Variants in GALNTL6 observed in about 807,000 individuals in gnomAD.
The protein encoded by GALNTL6 is polypeptide N-acetylgalactosaminyltransferase-like 6.
Under a neutral mutation model 73.7 loss-of-function variants are expected in GALNTL6, and 46 were observed. The observed-to-expected ratio is 0.62, with a 90% CI of 0.49 to 0.80. GALNTL6 has a LOEUF of 0.80. Ranked by LOEUF, GALNTL6 falls within the 30% of genes least tolerant of loss-of-function variation. GALNTL6 has a pLI of 0.00. For synonymous variants in GALNTL6, 259 were observed against 263.7 expected, an observed-to-expected ratio of 0.98 and a Z score of 0.17; for missense variants, 604 against 755.0, an observed-to-expected ratio of 0.80 and a Z score of 2.34.
intron 2 of GALNTL6, among the ~76,000 whole-genome samples, chr4:172,104,967 G>A (rs1386104873): frequency 6.6e-6 from 1 of 151,952 alleles, no homozygotes; most frequent in East Asian, 1.9e-4. Flanking sequence ...AAATTACAAA[G>A]CTCATATAGA....
intron 5 of GALNTL6, among the ~76,000 whole-genome samples, chr4:172,786,603 A>T (rs1276149986): frequency 3.3e-5 from 5 of 152,318 alleles, no homozygotes; most frequent in Middle Eastern, 3.4e-3. Flanking sequence ...TTCACTCTAA[A>T]GACATCAATT....
chr4:172,056,738 A>G (rs1731029648), intron 2 of GALNTL6, among the ~76,000 whole-genome samples: 1 of 151,880 alleles, frequency 6.6e-6, no homozygotes, highest in Non-Finnish European at 1.5e-5. Context: ...TTTGTTTGTC[A>G]TTTGTGGTTT....
intron 2 of GALNTL6, among the ~76,000 whole-genome samples, chr4:171,932,385 C>T (rs908912518): frequency 9.2e-5 from 14 of 152,160 alleles, no homozygotes; most frequent in African/African-American, 1.7e-4. Flanking sequence ...TGGTGGAAAC[C>T]GAGTGTTGTA....
At chr4:172,464,711 AAATAATAAT>A (rs541423027) in intron 5 of GALNTL6, among the ~76,000 whole-genome samples, 1 of 150,990 alleles carries the variant, frequency 6.6e-6, no homozygotes, top group Non-Finnish European at 1.5e-5. Context: ...TCTGTCTCAA[AAATAATAAT>A]AATAATAATA....
At chr4:171,952,999 T>C (rs1738928913) in intron 2 of GALNTL6, among the ~76,000 whole-genome samples, 2 of 152,124 alleles carry the variant, frequency 1.3e-5, no homozygotes, top group South Asian at 4.1e-4. Context: ...AGAAAATATA[T>C]TTTTAGAAAG....
chr4:172,864,118 T>C (rs977837429), intron 7 of GALNTL6, among the ~76,000 whole-genome samples: 11 of 152,324 alleles, frequency 7.2e-5, no homozygotes, highest in Admixed American at 6.5e-4. Flanking sequence ...CATGTGGAAC[T>C]GTGAGTCAAT....
intron 5 of GALNTL6, among the ~76,000 whole-genome samples, chr4:172,528,604 C>T (rs562395003): frequency 6.6e-6 from 1 of 151,356 alleles, no homozygotes; most frequent in African/African-American, 2.4e-5. Context: ...CTTGGCATCC[C>T]AAAGTCTGGG....
At chr4:172,840,904 T>C (rs895656039) in intron 7 of GALNTL6, among the ~76,000 whole-genome samples, 1 of 152,166 alleles carries the variant, frequency 6.6e-6, no homozygotes, top group Admixed American at 6.6e-5. Flanking sequence ...TCCAGATCAA[T>C]CCACATCCAA....
intron 5 of GALNTL6, among the ~76,000 whole-genome samples, chr4:172,522,684 A>G (rs1436548889): frequency 7.0e-6 from 1 of 142,674 alleles, no homozygotes; most frequent in African/African-American, 2.5e-5. Context: ...CCCCCAAAAA[A>G]AAAGTGTATT....
At chr4:171,926,938 AT>A (rs1377068549) in intron 2 of GALNTL6, among the ~76,000 whole-genome samples, 14 of 152,006 alleles carry the variant, frequency 9.2e-5, no homozygotes, top group African/African-American at 3.4e-4. Context: ...GATGTTTTTA[AT>A]CCGCCCTTAA....
At chr4:172,463,539 T>C (rs975567805) in intron 5 of GALNTL6, among the ~76,000 whole-genome samples, 1 of 152,232 alleles carries the variant, frequency 6.6e-6, no homozygotes, top group African/African-American at 2.4e-5. Context: ...TGTATTCACC[T>C]GCTCTATGCC....
chr4:172,015,088 T>G (rs575699397), intron 2 of GALNTL6, among the ~76,000 whole-genome samples: 3 of 152,242 alleles, frequency 2.0e-5, no homozygotes, highest in African/African-American at 7.2e-5. Flanking sequence ...AGATATAGCT[T>G]AAGTTCATTG....
At chr4:172,450,630 G>A (rs1732175953) in intron 5 of GALNTL6, among the ~76,000 whole-genome samples, 1 of 152,202 alleles carries the variant, frequency 6.6e-6, no homozygotes, top group Non-Finnish European at 1.5e-5. Flanking sequence ...CATTGCCTGT[G>A]AGTTCCTTGT....
intron 7 of GALNTL6, among the ~76,000 whole-genome samples, chr4:172,849,365 T>G (rs1743690138): frequency 6.6e-6 from 1 of 152,154 alleles, no homozygotes; most frequent in South Asian, 2.1e-4. Context: ...TGAAAAAATG[T>G]CTCATTCAAA....
chr4:172,518,225 A>G (rs968179570), intron 5 of GALNTL6, among the ~76,000 whole-genome samples: 17 of 152,108 alleles, frequency 1.1e-4, no homozygotes, highest in African/African-American at 4.1e-4. Context: ...TAATTTTTTC[A>G]TCTATTTTTC....
intron 4 of GALNTL6, among the ~76,000 whole-genome samples, chr4:172,319,306 A>T (rs1740677374): frequency 6.6e-6 from 1 of 152,226 alleles, no homozygotes. Context: ...TGTAAATCTA[A>T]TGCTCATTCA....
chr4:172,290,432 A>AT (rs1290207312), intron 3 of GALNTL6, among the ~76,000 whole-genome samples: 4 of 151,964 alleles, frequency 2.6e-5, no homozygotes, highest in South Asian at 2.1e-4. Flanking sequence ...CTTTACTTAT[A>AT]TTTTTTATCT....
intron 11 of GALNTL6, among the ~76,000 whole-genome samples, chr4:173,010,680 C>T (rs1050229357): frequency 5.9e-5 from 9 of 151,882 alleles, no homozygotes; most frequent in East Asian, 3.9e-4. Context: ...CTACAACCTC[C>T]GACTCCCTGG....
intron 2 of GALNTL6, among the ~76,000 whole-genome samples, chr4:171,819,846 A>T (rs551521): frequency 0.99 from 151,434 of 152,248 alleles, 75,320 homozygotes; most frequent in Middle Eastern, 1. Flanking sequence ...CTCTGGAAAC[A>T]TCAGATCTTT....
Sources: gnomAD v4.1 joint callset for allele counts (sites outside exome capture counted in the v4.1 genomes callset) on GRCh38, gnomAD v4.1.1 for gene constraint, MANE v1.5 for transcripts, NCBI Gene and HGNC (gene_info 2026-07-23, HGNC 2026-07-21) for gene names.